PDZD2: variants seen among roughly 807,000 people sequenced by gnomAD.
PDZD2 encodes the protein PDZ domain-containing protein 2.
PDZD2 carries 90 observed loss-of-function variants against 220.7 expected under a neutral mutation model. The ratio of observed to expected loss-of-function variants is 0.41; its 90% CI spans 0.34 to 0.49. The LOEUF is 0.49. Ranked by LOEUF, PDZD2 falls within the 20% of genes least tolerant of loss-of-function variation. The pLI, the probability that PDZD2 is intolerant of heterozygous loss-of-function variation, is 0.28. For missense variants in PDZD2, 3,174 were observed against 3,608.5 expected, an observed-to-expected ratio of 0.88 and a Z score of 3.08; for synonymous variants, 1,375 against 1,450.5, an observed-to-expected ratio of 0.95 and a Z score of 1.18.
intron 2 of PDZD2, among the ~76,000 whole-genome samples, chr5:31,804,690 GATACT>G (rs1561473423): frequency 7.6e-5 from 10 of 131,178 alleles, no homozygotes; most frequent in East Asian, 1.9e-4. Context: ...GTCCTTGTGC[GATACT>G]ACCTCAACTT....
intron 2 of PDZD2, among the ~76,000 whole-genome samples, chr5:31,837,721 T>C (rs1757032277): frequency 7.1e-6 from 1 of 139,956 alleles, no homozygotes; most frequent in Middle Eastern, 3.7e-3. Flanking sequence ...TGAGACTCCA[T>C]CTCAAAAAAA....
At chr5:32,102,737 C>G (rs970553918) in intron 24 of PDZD2, among the ~76,000 whole-genome samples, 3 of 152,136 alleles carry the variant, frequency 2.0e-5, no homozygotes, top group African/African-American at 7.2e-5. Flanking sequence ...GGAATGTTAC[C>G]CATGAAACAG....
intron 2 of PDZD2, among the ~76,000 whole-genome samples, chr5:31,814,733 G>A (rs1037815206): frequency 1.3e-5 from 2 of 151,876 alleles, no homozygotes; most frequent in African/African-American, 4.8e-5. Context: ...CACAAGAATC[G>A]CTTGAACCTG....
At chr5:31,729,818 T>G (rs1580639852) in intron 1 of PDZD2, among the ~76,000 whole-genome samples, 2 of 147,542 alleles carry the variant, frequency 1.4e-5, no homozygotes, top group East Asian at 3.9e-4. Flanking sequence ...CTTCTGTTGT[T>G]TTGTTTTGTT....
chr5:32,022,560 A>C (rs2112146253), intron 6 of PDZD2, among the ~76,000 whole-genome samples: 1 of 152,122 alleles, frequency 6.6e-6, no homozygotes, highest in Non-Finnish European at 1.5e-5. Context: ...TCAAGGAGCC[A>C]TGTGCAATAC....
At chr5:31,871,047 A>G (rs527679039) in intron 2 of PDZD2, among the ~76,000 whole-genome samples, 1 of 152,340 alleles carries the variant, frequency 6.6e-6, no homozygotes, top group South Asian at 2.1e-4. Flanking sequence ...ATGTTTTCTT[A>G]AAGTGTGAGA....
At chr5:31,700,222 G>A (rs1017284946) in intron 1 of PDZD2, among the ~76,000 whole-genome samples, 3 of 152,120 alleles carry the variant, frequency 2.0e-5, no homozygotes, top group African/African-American at 7.2e-5. Flanking sequence ...AGTAGAAGAG[G>A]AAGAAAGCCA....
At chr5:31,989,664 T>TCTGC (rs2111924966) in intron 3 of PDZD2, among the ~76,000 whole-genome samples, 1 of 152,322 alleles carries the variant, frequency 6.6e-6, no homozygotes, top group Admixed American at 6.5e-5. Context: ...CCTCTAGTGA[T>TCTGC]CTGCCTGCCT....
intron 2 of PDZD2, among the ~76,000 whole-genome samples, chr5:31,850,277 AT>A (rs1311790285): frequency 3.6e-5 from 5 of 138,158 alleles, no homozygotes; most frequent in African/African-American, 1.3e-4. Flanking sequence ...TATACTTATC[AT>A]CTAGTTAATG....
At chr5:31,829,914 G>A (rs763918268) in intron 2 of PDZD2, among the ~76,000 whole-genome samples, 7 of 151,886 alleles carry the variant, frequency 4.6e-5, no homozygotes, top group Non-Finnish European at 8.8e-5. Flanking sequence ...CGAGTGTGGT[G>A]GTAGGTGCCT....
At chr5:31,937,000 G>A (rs145818260) in intron 2 of PDZD2, among the ~76,000 whole-genome samples, 1 of 152,282 alleles carries the variant, frequency 6.6e-6, no homozygotes, top group East Asian at 1.9e-4. Flanking sequence ...TCACAGTGAC[G>A]TTTCACACTC....
intron 1 of PDZD2, among the ~76,000 whole-genome samples, chr5:31,683,041 G>A (rs1746710165): frequency 6.6e-6 from 1 of 151,818 alleles, no homozygotes; most frequent in South Asian, 2.1e-4. Flanking sequence ...CCTGACCCCT[G>A]CCATCTGGTG....
intron 1 of PDZD2, among the ~76,000 whole-genome samples, chr5:31,728,835 G>A (rs1749333439): frequency 6.6e-6 from 1 of 152,068 alleles, no homozygotes; most frequent in East Asian, 1.9e-4. Context: ...ATTATGCAAT[G>A]TGCATCTTGT....
At chr5:31,877,277 G>A (rs760734227) in intron 2 of PDZD2, among the ~76,000 whole-genome samples, 1 of 151,990 alleles carries the variant, frequency 6.6e-6, no homozygotes, top group African/African-American at 2.4e-5. Flanking sequence ...GTGCAGCGGT[G>A]CAATCTCGGC....
intron 24 of PDZD2, chr5:32,103,351 G>A (rs1744443662): frequency 6.6e-6 from 1 of 152,320 alleles, no homozygotes; most frequent in Admixed American, 6.5e-5. Context: ...CCTGGACTTG[G>A]AGGCTGCAGT....
At chr5:31,718,746 G>T (rs962943255) in intron 1 of PDZD2, among the ~76,000 whole-genome samples, 11 of 141,040 alleles carry the variant, frequency 7.8e-5, no homozygotes, top group African/African-American at 2.6e-4. Flanking sequence ...CTGTCTCCAG[G>T]CTGGAGTGCA....
In PDZD2 at chr5:31,768,720, A is replaced by G. The variant is rs75444196; in HGVS notation, c.-360-30169A>G. On this transcript the variant is annotated intron_variant, in intron 1 of 24. Coordinates refer to ENST00000438447, the MANE Select transcript of PDZD2 (RefSeq NM_178140.4). ...CTGAACTGATGCCTGGTCGAAGGGT[A>G]TGACATTGAGCAGCTCTTCAGTGAT... Among the ~76,000 whole-genome samples the G allele has an allele frequency of 8.7e-3, 1,322 of 151,726 alleles. 16 individuals are homozygous for G. Among genetic ancestry groups the G allele is most frequent in the African/African-American group, 0.03 (1,244 of 41,342 alleles).
intron 15 of PDZD2, 137 bp from the exon 16 acceptor site, chr5:32,071,247 T>C (rs1740710875): frequency 2.7e-6 from 2 of 738,864 alleles, no homozygotes; most frequent in South Asian, 3.1e-5. Flanking sequence ...CGTCTAACCC[T>C]GTGCATGCAG....
intron 1 of PDZD2, among the ~76,000 whole-genome samples, chr5:31,743,117 T>C (rs1750366870): frequency 6.6e-6 from 1 of 152,234 alleles, no homozygotes; most frequent in Admixed American, 6.5e-5. Flanking sequence ...TTTGACCTAC[T>C]CTGAATCTCT....
Sources: gnomAD v4.1 joint callset for allele counts (sites outside exome capture counted in the v4.1 genomes callset) on GRCh38, gnomAD v4.1.1 for gene constraint, MANE v1.5 for transcripts, NCBI Gene and HGNC (gene_info 2026-07-23, HGNC 2026-07-21) for gene names.